RHOBTB3: variants seen among roughly 807,000 people sequenced by gnomAD.
The protein encoded by RHOBTB3 is rho-related BTB domain-containing protein 3.
In RHOBTB3, 47 loss-of-function variants were observed where a neutral mutation model predicts 67.2. The ratio of observed to expected loss-of-function variants is 0.70; its 90% CI spans 0.55 to 0.89. The LOEUF (loss-of-function observed/expected upper bound fraction) is 0.89. RHOBTB3 is among the 40% of genes least tolerant of loss of function. RHOBTB3 has a pLI of 0.00. For missense variants in RHOBTB3, 631 were observed against 750.0 expected (o/e 0.84, Z 1.85); for synonymous variants, 273 against 274.2 (o/e 1.00, Z 0.04).
In RHOBTB3 at chr5:95,793,125, A is replaced by G; in HGVS notation, c.1787A>G (p.Glu596Gly). ...AATATGTACTTGAAGCAGCTTGCGG[A>G]ATACAGGAAGTATATTCACTCCCGG... ...PSNMYLKQLAEYRKYIHSRKC... is the reference protein window; with the variant it reads ...PSNMYLKQLAGYRKYIHSRKC... Residue 596 changes from glutamate to glycine, a missense_variant, in exon 12 of 12, where the codon GAA (glutamate) becomes GGA (glycine). Coordinates refer to ENST00000379982, the MANE Select transcript of RHOBTB3 (RefSeq NM_014899.4). 1 of 1,613,516 alleles carries G rather than the reference A, an allele frequency of 6.2e-7. No homozygotes were observed. The highest frequency in any genetic ancestry group is 1.1e-5 in the South Asian group (1 of 90,960).
At chr5:95,786,154 A>G (rs1746218035) in intron 10 of RHOBTB3, among the ~76,000 whole-genome samples, 1 of 152,224 alleles carries the variant, frequency 6.6e-6, no homozygotes, top group African/African-American at 2.4e-5. Flanking sequence ...TGAATTCCAG[A>G]TAACAGAAGT....
chr5:95,751,746 GTACTCA>G (rs1373939821), intron 4 of RHOBTB3, among the ~76,000 whole-genome samples: 2 of 152,112 alleles, frequency 1.3e-5, no homozygotes, highest in Admixed American at 6.5e-5. Context: ...GTGTCCATAT[GTACTCA>G]ATGTTTAGCT....
chr5:95,772,344 C>T (rs1211169081), intron 8 of RHOBTB3, among the ~76,000 whole-genome samples: 1 of 152,158 alleles, frequency 6.6e-6, no homozygotes, highest in East Asian at 1.9e-4. Context: ...CTCTGATCTT[C>T]CTGGATGTTC....
chr5:95,777,191 C>T (rs566753883), intron 8 of RHOBTB3, among the ~76,000 whole-genome samples: 75 of 152,332 alleles, frequency 4.9e-4, no homozygotes, highest in African/African-American at 1.8e-3. Flanking sequence ...TAGAAAATTA[C>T]ATTCCCTTCT....
chr5:95,771,517 A>G (rs1745712541), intron 8 of RHOBTB3, among the ~76,000 whole-genome samples: 1 of 152,194 alleles, frequency 6.6e-6, no homozygotes, highest in African/African-American at 2.4e-5. Flanking sequence ...GAGATACAGA[A>G]AAACAACTGG....
At chr5:95,730,940 T>C, upstream of RHOBTB3, 1 of 468,764 alleles carries the variant, frequency 2.1e-6, no homozygotes, top group Non-Finnish European at 4.2e-6. Context: ...GAAATCGGGT[T>C]GCTGGGGCGG....
At chr5:95,775,813 G>A (rs1745857833) in intron 8 of RHOBTB3, among the ~76,000 whole-genome samples, 1 of 151,876 alleles carries the variant, frequency 6.6e-6, no homozygotes, top group African/African-American at 2.4e-5. Flanking sequence ...AAAAAAAATT[G>A]GGAAGGAAAA....
intron 11 of RHOBTB3, chr5:95,789,388 G>A (rs1339032491): frequency 3.3e-5 from 5 of 152,354 alleles, no homozygotes; most frequent in Non-Finnish European, 7.3e-5. Context: ...AACTTACTGG[G>A]AGTGTATGTA....
rs534384139 is a variant in RHOBTB3 at position 95,719,931 on chromosome 5, C to T, written n.133+2166C>T. Among the ~76,000 whole-genome samples, 17 of 152,294 alleles carry T rather than the reference C, an allele frequency of 1.1e-4. No homozygotes were observed. In the South Asian group the frequency reaches 3.5e-3, roughly 32 times the overall value. The stretch of plus-strand genomic sequence containing the variant: ...CAAAACATCCTTGGGATCAAAATGA[C>T]CTGTACTCCAGGTGCTTAAAAAATG... On this transcript the variant is annotated intron_variant and non_coding_transcript_variant, in intron 1 of 5. Transcript: ENST00000504949.
chr5:95,786,920 G>A (rs76739131), intron 10 of RHOBTB3, among the ~76,000 whole-genome samples: 2,107 of 152,248 alleles, frequency 0.014, 26 homozygotes, highest in Middle Eastern at 0.027. Flanking sequence ...TCTGGGCCAG[G>A]TCTGTACATT....
chr5:95,747,165 T>C (rs923801922), intron 3 of RHOBTB3, among the ~76,000 whole-genome samples: 19 of 151,958 alleles, frequency 1.3e-4, no homozygotes, highest in Admixed American at 4.6e-4. Context: ...TCAGCCCTTG[T>C]CTGATTGCTG....
rs114752194 is a variant in RHOBTB3, at chr5:95,786,640, A to G, written c.1624-2122A>G. 4.3e-3 allele frequency among the ~76,000 whole-genome samples: 659 copies of G among 152,274 alleles called. 4 individuals are homozygous for G. Among genetic ancestry groups the G allele is most frequent in the African/African-American group, 0.011 (476 of 41,552 alleles). On this transcript the variant is annotated intron_variant, in intron 10 of 11. Transcript: ENST00000379982. ...TAATGCATCTTCTTATTTATAATCTATATGTTAATATTTGGCTATCTGAGG... is the reference window on the plus strand; with the variant it reads ...TAATGCATCTTCTTATTTATAATCTGTATGTTAATATTTGGCTATCTGAGG...
chr5:95,786,769 T>C (rs1474726321), intron 10 of RHOBTB3, among the ~76,000 whole-genome samples: 1 of 152,246 alleles, frequency 6.6e-6, no homozygotes, highest in Non-Finnish European at 1.5e-5. Context: ...ATTTGGTTTA[T>C]GGTTTTTTAA....
Position 95,731,396 on chromosome 5 carries a change from C to T in RHOBTB3, c.-287C>T, listed in dbSNP as rs1378795800. ...GCGGAGAGGGGACTGCGGTCAGCTG[C>T]GTCCACTTGGGGCTGTGCGGCGGTC... On this transcript the variant is annotated 5_prime_UTR_variant, in exon 1 of 12. Transcript: ENST00000379982. The T allele has an allele frequency of 8.5e-7, 1 of 1,176,248 alleles. No homozygotes were observed. Among genetic ancestry groups the T allele is most frequent in the Non-Finnish European group, 1.0e-6 (1 of 955,380 alleles). 72.9% of individuals were successfully genotyped at this position (1,176,248 alleles called of 1,614,324 possible). A position where few individuals can be genotyped will look rare whatever the true frequency, so the allele number is the denominator to read the frequency against.
At chr5:95,757,095 A>T (rs1745267600) in intron 6 of RHOBTB3, among the ~76,000 whole-genome samples, 1 of 152,110 alleles carries the variant, frequency 6.6e-6, no homozygotes, top group African/African-American at 2.4e-5. Context: ...TATGACTATC[A>T]TAGACGTTAC....
chr5:95,739,715 C>A (rs559754403), intron 3 of RHOBTB3, among the ~76,000 whole-genome samples: 1 of 152,190 alleles, frequency 6.6e-6, no homozygotes, highest in Admixed American at 6.5e-5. Context: ...CCACACCCAG[C>A]CAGTTTTTTT....
chr5:95,742,927 C>G (rs1561441542), intron 3 of RHOBTB3, among the ~76,000 whole-genome samples: 1 of 152,118 alleles, frequency 6.6e-6, no homozygotes, highest in Non-Finnish European at 1.5e-5. Flanking sequence ...AAAAATTAGC[C>G]AGGCATGCTG....
chr5:95,731,011 G>A (rs997169229), upstream of RHOBTB3: 13 of 769,604 alleles, frequency 1.7e-5, no homozygotes, highest in Admixed American at 2.8e-5. Context: ...GTGAGCGGGG[G>A]CCCCATCGCC....
At chr5:95,726,661 G>A (rs148136342), upstream of RHOBTB3, among the ~76,000 whole-genome samples, 2,279 of 152,300 alleles carry the variant, frequency 0.015, 56 homozygotes, top group African/African-American at 0.052. Flanking sequence ...AAGAGTATCA[G>A]AAACATCAGC....
Sources: allele counts gnomAD v4.1 joint callset (sites outside exome capture counted in the v4.1 genomes callset), GRCh38; gene constraint gnomAD v4.1.1; transcripts MANE v1.5; gene names NCBI Gene and HGNC (gene_info 2026-07-23, HGNC 2026-07-21).